CNTNAP5: variants seen among roughly 807,000 people sequenced by gnomAD.
CNTNAP5 encodes contactin-associated protein-like 5.
CNTNAP5 carries 72 observed loss-of-function variants against 150.2 expected under a neutral mutation model. The observed-to-expected ratio is 0.48, with a 90% CI of 0.40 to 0.58. CNTNAP5 has a LOEUF of 0.58. CNTNAP5 is among the 20% of genes least tolerant of loss of function. CNTNAP5 has a pLI of 0.00. For missense variants in CNTNAP5, 1,636 were observed against 1,626.2 expected (o/e 1.01, Z -0.10); for synonymous variants, 672 against 619.8 (o/e 1.08, Z -1.25).
chr2:124,040,075 A>C (rs1429861289), intron 1 of CNTNAP5, among the ~76,000 whole-genome samples: 1 of 152,186 alleles, frequency 6.6e-6, no homozygotes, highest in Non-Finnish European at 1.5e-5. Context: ...ATGGAAATTA[A>C]TATCTACTTA....
chr2:124,914,512 G>A lies in CNTNAP5; in HGVS notation c.*224G>A, dbSNP rs1016263807. ...TCTGATGAACCTATCGGGTGAAAAC[G>A]ACCACTCAAGAGACTGACTTCGCCA... On this transcript the variant is annotated 3_prime_UTR_variant, in exon 24 of 24. Transcript: ENST00000682447. 9.7e-6 allele frequency: 5 copies of A among 513,980 alleles called. No homozygotes were observed. The highest frequency in any genetic ancestry group is 4.7e-5 in the South Asian group (2 of 42,290). The allele number at this position is 513,980 out of a possible 1,614,324, so 31.8% of individuals were successfully genotyped here. A position where few individuals can be genotyped will look rare whatever the true frequency, so the allele number is the denominator to read the frequency against.
chr2:124,741,475 C>T (rs546348903), intron 13 of CNTNAP5, among the ~76,000 whole-genome samples: 1 of 152,264 alleles, frequency 6.6e-6, no homozygotes, highest in African/African-American at 2.4e-5. Context: ...AATGATTAAG[C>T]CATACAATTG....
chr2:124,847,491 A>G (rs1683073293), intron 19 of CNTNAP5, among the ~76,000 whole-genome samples: 2 of 152,188 alleles, frequency 1.3e-5, no homozygotes, highest in African/African-American at 4.8e-5. Flanking sequence ...CATCGAGTCT[A>G]TATCCAGGCA....
Position 124,410,426 on chromosome 2 carries a change from AT to A in CNTNAP5, c.382-7010del, listed in dbSNP as rs1367738037. ...TCCACCCCAAATCAACAGAATATAC[AT>A]TTTTTTCAGCACCACACCACACCTA... On this transcript the variant is annotated intron_variant, in intron 3 of 23. Coordinates refer to ENST00000682447, the MANE Select transcript of CNTNAP5 (RefSeq NM_001367498.1). 3.3e-5 allele frequency among the ~76,000 whole-genome samples: 5 copies of A among 150,996 alleles called. No individual in the cohort carries two copies. The South Asian group carries it at 8.5e-4, about 26-fold the overall frequency.
chr2:124,579,106 A>T (rs1696356327), intron 11 of CNTNAP5, among the ~76,000 whole-genome samples: 1 of 152,214 alleles, frequency 6.6e-6, no homozygotes, highest in Non-Finnish European at 1.5e-5. Context: ...ATAATCAGTC[A>T]GAAACAGACA....
intron 10 of CNTNAP5, among the ~76,000 whole-genome samples, chr2:124,528,001 G>A (rs1695016017): frequency 6.6e-6 from 1 of 152,150 alleles, no homozygotes; most frequent in Non-Finnish European, 1.5e-5. Flanking sequence ...TTTCCCCTGG[G>A]ATCTGGCTCT....
chr2:124,437,706 AG>A (rs1692569126), intron 5 of CNTNAP5, among the ~76,000 whole-genome samples: 1 of 152,144 alleles, frequency 6.6e-6, no homozygotes, highest in South Asian at 2.1e-4. Flanking sequence ...TAAAGGGGAA[AG>A]GGTTTATAAC....
chr2:124,831,521 C>G (rs1056548739), intron 19 of CNTNAP5, among the ~76,000 whole-genome samples: 2 of 150,852 alleles, frequency 1.3e-5, no homozygotes, highest in African/African-American at 4.8e-5. Context: ...CATCAAAAAA[C>G]CATATTTTTG....
At chr2:124,470,059 A>G (rs1208285651) in intron 6 of CNTNAP5, among the ~76,000 whole-genome samples, 4 of 152,194 alleles carry the variant, frequency 2.6e-5, no homozygotes, top group Non-Finnish European at 4.4e-5. Flanking sequence ...TCTTTATAAT[A>G]GAATGATTTA....
intron 8 of CNTNAP5, among the ~76,000 whole-genome samples, chr2:124,504,892 G>T (rs1199526096): frequency 6.6e-6 from 1 of 151,854 alleles, no homozygotes; most frequent in South Asian, 2.1e-4. Context: ...ATTTTTAGTA[G>T]AGATGGGGTT....
chr2:124,431,545 AATATTATATAT>A (rs1442443288), intron 4 of CNTNAP5, among the ~76,000 whole-genome samples: 14 of 143,296 alleles, frequency 9.8e-5, no homozygotes, highest in African/African-American at 3.3e-4. Flanking sequence ...TCTTTATATA[AATATTATATAT>A]AATTTCTTTA....
intron 13 of CNTNAP5, among the ~76,000 whole-genome samples, chr2:124,662,178 A>G (rs1573531540): frequency 6.6e-6 from 1 of 152,184 alleles, no homozygotes; most frequent in Admixed American, 6.5e-5. Context: ...TTATGGCTGC[A>G]TAGAATTATA....
At chr2:124,428,673 A>ATTT (rs68135556) in intron 4 of CNTNAP5, among the ~76,000 whole-genome samples, 502 of 146,130 alleles carry the variant, frequency 3.4e-3, no homozygotes, top group Admixed American at 6.9e-3. Context: ...AGCAATCAGC[A>ATTT]TTTTTTTTTT....
intron 1 of CNTNAP5, among the ~76,000 whole-genome samples, chr2:124,055,928 C>T (rs1681835573): frequency 6.6e-6 from 1 of 152,136 alleles, no homozygotes; most frequent in Non-Finnish European, 1.5e-5. Flanking sequence ...ATGTCCACTG[C>T]CATGGCTCTG....
At chr2:124,891,028 G>A (rs1252263828) in intron 21 of CNTNAP5, among the ~76,000 whole-genome samples, 4 of 152,118 alleles carry the variant, frequency 2.6e-5, no homozygotes, top group Non-Finnish European at 4.4e-5. Context: ...CTATTGTGGT[G>A]TATTAAACCA....
chr2:124,585,161 A>T (rs532424578), intron 11 of CNTNAP5, among the ~76,000 whole-genome samples: 1 of 152,324 alleles, frequency 6.6e-6, no homozygotes, highest in South Asian at 2.1e-4. Flanking sequence ...GATGGCTGGT[A>T]CATGAAGCTG....
At chr2:124,434,737 C>T in intron 5 of CNTNAP5, 50 bp downstream of exon 5, 1 of 1,472,696 alleles carries the variant, frequency 6.8e-7, no homozygotes, top group Non-Finnish European at 9.3e-7. Context: ...AGCTCCTTTA[C>T]TCCACAGCTC....
intron 3 of CNTNAP5, among the ~76,000 whole-genome samples, chr2:124,328,870 C>T (rs922173073): frequency 6.6e-6 from 1 of 152,092 alleles, no homozygotes; most frequent in African/African-American, 2.4e-5. Flanking sequence ...CCAGAAGGTT[C>T]ACTGAAATAA....
chr2:124,700,511 G>A (rs1373939928), intron 13 of CNTNAP5, among the ~76,000 whole-genome samples: 1 of 152,014 alleles, frequency 6.6e-6, no homozygotes, highest in Admixed American at 6.6e-5. Context: ...CCACAACCTT[G>A]CCAACACTTG....
Sources: allele counts gnomAD v4.1 joint callset (sites outside exome capture counted in the v4.1 genomes callset), GRCh38; gene constraint gnomAD v4.1.1; transcripts MANE v1.5; gene names NCBI Gene and HGNC (gene_info 2026-07-23, HGNC 2026-07-21).